The following MLIP variants were observed in gnomAD, a reference collection of about 807,000 sequenced individuals.
MLIP encodes muscular LMNA interacting protein.
A neutral mutation model predicts 84.8 loss-of-function variants in MLIP; 79 were observed. That is an observed-to-expected ratio of 0.93 (90% confidence interval 0.78 to 1.12). The LOEUF (loss-of-function observed/expected upper bound fraction) is 1.12. Ranked by LOEUF, MLIP falls within the 50% of genes most tolerant of loss-of-function variation. MLIP has a pLI of 0.00. For missense variants in MLIP, 1,257 were observed against 1,160.6 expected, an observed-to-expected ratio of 1.08 and a Z score of -1.21; for synonymous variants, 504 against 463.0, an observed-to-expected ratio of 1.09 and a Z score of -1.14.
intron 12 of MLIP, among the ~76,000 whole-genome samples, chr6:54,252,355 T>C (rs1459207309): frequency 5.3e-5 from 6 of 113,906 alleles, no homozygotes; most frequent in African/African-American, 2.6e-4. Context: ...ATAACTATAA[T>C]ATACCATATA....
intron 1 of MLIP, chr6:54,083,628 G>C: frequency 6.5e-7 from 1 of 1,535,864 alleles, no homozygotes; most frequent in Non-Finnish European, 8.7e-7. Flanking sequence ...TGAGTTCTAT[G>C]ACATTATTAG....
rs573085952 is a variant in MLIP, at chr6:54,113,160, A to G, written c.96+1585A>G. Among the ~76,000 whole-genome samples, 7 of 152,334 alleles carry G rather than the reference A, an allele frequency of 4.6e-5. No homozygotes were observed. The East Asian group carries it at 1.2e-3, about 25-fold the overall frequency. ...TTTTTAAATTTTATTTGGATGGAAC[A>G]TAAGATAGACCTATAGTCATGACAT... On this transcript the variant is annotated intron_variant, in intron 1 of 13. Transcript: ENST00000502396.
rs542038331 is a variant in MLIP, at chr6:54,184,943, G to C, written c.2545-4927G>C. ...AGTTGGTGTAAAACTGGAGCGATAT[G>C]AATGATCAAAATTTTAATGTTGTTC... On this transcript the variant is annotated intron_variant, in intron 9 of 13. Coordinates refer to ENST00000502396, the MANE Select transcript of MLIP (RefSeq NM_001281747.2). 7.9e-5 allele frequency among the ~76,000 whole-genome samples: 12 copies of C among 152,200 alleles called. No individual in the cohort carries two copies. In the South Asian group the frequency reaches 2.5e-3, roughly 32 times the overall value.
rs188354263 is a variant in MLIP, at chr6:54,103,525, G to A, written c.64-17922G>A. Among the ~76,000 whole-genome samples the A allele has an allele frequency of 9.0e-3, 1,363 of 152,212 alleles. 24 individuals are homozygous for A. The highest frequency in any genetic ancestry group is 0.03 in the African/African-American group (1,253 of 41,532). On this transcript the variant is annotated intron_variant, in intron 1 of 12. Coordinates refer to the MLIP transcript ENST00000274897. The stretch of plus-strand genomic sequence containing the variant: ...GCAGAGGGTGATGTGATACCACATC[G>A]GTGCTCTCTGATCTAAAGCCCATGC...
intron 1 of MLIP, among the ~76,000 whole-genome samples, chr6:54,068,659 C>A (rs1218269946): frequency 9.9e-6 from 1 of 101,202 alleles, no homozygotes; most frequent in Admixed American, 9.2e-5. Flanking sequence ...TACTTTCTGT[C>A]AGACACTTTA....
chr6:54,155,762 T>A (rs1402965908), intron 5 of MLIP, among the ~76,000 whole-genome samples: 1 of 152,132 alleles, frequency 6.6e-6, no homozygotes, highest in Non-Finnish European at 1.5e-5. Context: ...AATGTAGTGC[T>A]AAGTTCAGAA....
Position 54,220,077 on chromosome 6 carries a change from G to A in MLIP, c.2719-10637G>A, listed in dbSNP as rs1780121397. Among the ~76,000 whole-genome samples, 2 of 152,064 alleles carry A rather than the reference G, an allele frequency of 1.3e-5. 1 individual carries two copies. Among genetic ancestry groups the A allele is most frequent in the African/African-American group, 4.8e-5 (2 of 41,392 alleles). On this transcript the variant is annotated intron_variant, in intron 11 of 13. Transcript: ENST00000502396. The stretch of plus-strand genomic sequence containing the variant: ...CCATATCTATGTCTAACATAAGCTT[G>A]TCATCAGACATACGTATCCATTTCA...
At position 54,144,694 on chromosome 6, in the gene MLIP, C is replaced by T. The variant is rs80331083; in HGVS notation, c.2218-4362C>T. 2.1e-3 allele frequency among the ~76,000 whole-genome samples: 319 copies of T among 152,278 alleles called. 2 individuals carry two copies. Among genetic ancestry groups the T allele is most frequent in the African/African-American group, 7.3e-3 (305 of 41,564 alleles). On this transcript the variant is annotated intron_variant, in intron 4 of 13. Transcript: ENST00000502396. ...TGTTTGGCCCAATTCCTAACAGGTA[C>T]CAGTTTATGGTCTGGGGGTTAGGGG... is the stretch of plus-strand genomic sequence containing the variant.
At chr6:54,249,746 T>TATATATAC (rs71724053) in intron 12 of MLIP, among the ~76,000 whole-genome samples, 12,452 of 150,076 alleles carry the variant, frequency 0.083, 656 homozygotes, top group East Asian at 0.2. Flanking sequence ...TATATATATA[T>TATATATAC]ACACACACAC....
At chr6:54,073,345 C>T (rs1766599659) in intron 1 of MLIP, among the ~76,000 whole-genome samples, 1 of 152,202 alleles carries the variant, frequency 6.6e-6, no homozygotes, top group African/African-American at 2.4e-5. Flanking sequence ...TAAGTTTACA[C>T]ATTGAATTGG....
At chr6:54,052,791 C>A (rs1053777168) in intron 1 of MLIP, among the ~76,000 whole-genome samples, 1 of 151,970 alleles carries the variant, frequency 6.6e-6, no homozygotes, top group African/African-American at 2.4e-5. Flanking sequence ...ATATAAAATT[C>A]TAGAATGAGG....
At chr6:54,257,615 A>G (rs1783097029) in intron 13 of MLIP, among the ~76,000 whole-genome samples, 1 of 152,040 alleles carries the variant, frequency 6.6e-6, no homozygotes. Context: ...TCCTACCCCA[A>G]GTGCCTGTCT....
In MLIP at chr6:54,154,945, A is replaced by C. The variant is rs75169558; in HGVS notation, c.2290-5422A>C. The stretch of plus-strand genomic sequence containing the variant: ...TGACATCCTTAATTGAATGCAAAAA[A>C]GTATAGATTCCCCTACCATTGAGCT... On this transcript the variant is annotated intron_variant, in intron 5 of 13. Transcript: ENST00000502396. Among the ~76,000 whole-genome samples, 1,246 of 152,214 alleles carry C rather than the reference A, an allele frequency of 8.2e-3. 17 individuals carry two copies. Among genetic ancestry groups the C allele is most frequent in the African/African-American group, 0.028 (1,159 of 41,548 alleles).
At chr6:54,033,206 G>A (rs143545129) in intron 1 of MLIP, among the ~76,000 whole-genome samples, 74 of 151,876 alleles carry the variant, frequency 4.9e-4, no homozygotes, top group African/African-American at 1.6e-3. Flanking sequence ...AGTACTTTGC[G>A]ATCATCACCA....
intron 1 of MLIP, among the ~76,000 whole-genome samples, chr6:54,039,136 C>G (rs940310935): frequency 6.6e-6 from 1 of 151,846 alleles, no homozygotes; most frequent in Non-Finnish European, 1.5e-5. Context: ...ATGAGCAAAA[C>G]TATACAAGAT....
intron 4 of MLIP, among the ~76,000 whole-genome samples, chr6:54,142,766 T>C (rs1395640653): frequency 6.6e-6 from 1 of 152,216 alleles, no homozygotes; most frequent in African/African-American, 2.4e-5. Flanking sequence ...CTTAGAAGTC[T>C]ATTGCTACCA....
intron 8 of MLIP, among the ~76,000 whole-genome samples, chr6:54,166,006 CTGGATT>C (rs1268509145): frequency 5.3e-5 from 8 of 151,882 alleles, no homozygotes; most frequent in Admixed American, 2.6e-4. Context: ...CTGCTAGTGC[CTGGATT>C]TTAGACCTCC....
At position 54,266,028 on chromosome 6, in the gene MLIP, TA is replaced by T; in HGVS notation, c.*75del. On this transcript the variant is annotated 3_prime_UTR_variant, in exon 14 of 14. Transcript: ENST00000502396. ...GCTGGTGCTAACCACTTGCTAGATT[TA>T]ACTTTTTTTTTTTTTTCCAGAATGA... 1 of 1,504,066 alleles carries T rather than the reference TA, an allele frequency of 6.6e-7. No individual in the cohort carries two copies. Among genetic ancestry groups the T allele is most frequent in the Non-Finnish European group, 9.1e-7 (1 of 1,103,386 alleles). The allele number at this position is 1,504,066 out of a possible 1,614,324, so 93.2% of individuals were successfully genotyped here. A position where few individuals can be genotyped will look rare whatever the true frequency, so the allele number is the denominator to read the frequency against.
intron 11 of MLIP, among the ~76,000 whole-genome samples, chr6:54,211,927 C>T (rs1204739613): frequency 2.0e-5 from 3 of 152,230 alleles, no homozygotes; most frequent in African/African-American, 7.2e-5. Context: ...GATTAGGTGC[C>T]TTCTTTTTGT....
Sources: gnomAD v4.1 joint callset for allele counts (sites outside exome capture counted in the v4.1 genomes callset) on GRCh38, gnomAD v4.1.1 for gene constraint, MANE v1.5 for transcripts, NCBI Gene and HGNC (gene_info 2026-07-23, HGNC 2026-07-21) for gene names.